SEMA3C: variants seen among roughly 807,000 people sequenced by gnomAD.
SEMA3C encodes the protein semaphorin-3C.
In SEMA3C, 47 loss-of-function variants were observed where a neutral mutation model predicts 89.4. The ratio of observed to expected loss-of-function variants is 0.53; its 90% confidence interval spans 0.42 to 0.67. The LOEUF is 0.67. Among genes scored for constraint, SEMA3C ranks in the 30% least tolerant of loss-of-function variants. SEMA3C has a pLI of 0.00. For synonymous variants in SEMA3C, 310 were observed against 320.2 expected, an observed-to-expected ratio of 0.97 and a Z score of 0.34; for missense variants, 839 against 929.1, an observed-to-expected ratio of 0.90 and a Z score of 1.26.
intron 15 of SEMA3C, among the ~76,000 whole-genome samples, chr7:80,756,878 C>A (rs1005885682): frequency 6.6e-6 from 1 of 152,150 alleles, no homozygotes; most frequent in African/African-American, 2.4e-5. Flanking sequence ...ACCTTCTCTG[C>A]CCTTTTTAAA....
At chr7:80,751,513 A>G (rs1787935151) in intron 15 of SEMA3C, among the ~76,000 whole-genome samples, 177 bp from the exon 16 acceptor site, 1 of 145,150 alleles carries the variant, frequency 6.9e-6, no homozygotes, top group Non-Finnish European at 1.5e-5. Flanking sequence ...TTTATCAATA[A>G]TGAGGGGGGG....
rs771146166 is a variant in SEMA3C, at chr7:80,818,396, C to T, written c.350G>A (p.Arg117His). Residue 117 changes from arginine (R) to histidine (H), a missense_variant, in exon 5 of 18, where the codon CGT (arginine) becomes CAT (histidine). Arg to His is a conservative substitution (Grantham distance 29). Transcript: ENST00000265361. Reference protein sequence around the residue: ...DPTHGCGNFVRVIQTFNRTHL... With the variant: ...DPTHGCGNFVHVIQTFNRTHL... The stretch of plus-strand genomic sequence containing the variant: ...TGTGCGATTGAAAGTCTGAATTACA[C>T]GGACAAAGTTCCCACAGCCGTGCTA... The T allele has an allele frequency of 5.0e-6, 8 of 1,612,846 alleles. No homozygotes were observed. Among genetic ancestry groups the T allele is most frequent in the East Asian group, 2.2e-5 (1 of 44,846 alleles).
chr7:80,758,568 G>A lies in SEMA3C; in HGVS notation c.1486-80C>T, dbSNP rs902385989. ...TCAGCAGGAACACATTATAATATAT[G>A]CCCACAAACCCTTGGATTCATTTTG... On this transcript the variant is annotated intron_variant, in intron 14 of 17. Coordinates refer to ENST00000265361, the MANE Select transcript of SEMA3C (RefSeq NM_006379.5). The A allele has an allele frequency of 2.2e-6, 3 of 1,337,400 alleles. No individual in the cohort carries two copies. In the East Asian group the frequency reaches 6.9e-5, roughly 31 times the overall value. The allele number at this position is 1,337,400 out of a possible 1,614,324, so 82.8% of individuals were successfully genotyped here.
At chr7:80,778,146 T>C (rs1788593896) in intron 12 of SEMA3C, among the ~76,000 whole-genome samples, 1 of 152,320 alleles carries the variant, frequency 6.6e-6, no homozygotes. Context: ...TCCTGTGATA[T>C]AGCTAAAGAA....
chr7:80,864,257 G>A (rs563964358), intron 2 of SEMA3C, among the ~76,000 whole-genome samples: 1 of 151,324 alleles, frequency 6.6e-6, no homozygotes, highest in Non-Finnish European at 1.5e-5. Context: ...GAGTGAGAGC[G>A]GGTGAGGGAT....
chr7:80,914,450 T>C (rs1481880118), intron 2 of SEMA3C, among the ~76,000 whole-genome samples: 1 of 145,080 alleles, frequency 6.9e-6, no homozygotes, highest in Non-Finnish European at 1.6e-5. Flanking sequence ...GGTTTAAAAT[T>C]TGTACATTTT....
At chr7:80,811,273 G>A (rs1789462926) in intron 5 of SEMA3C, among the ~76,000 whole-genome samples, 1 of 152,018 alleles carries the variant, frequency 6.6e-6, no homozygotes, top group African/African-American at 2.4e-5. Context: ...AAACACTGGG[G>A]ATATTGCAAA....
intron 2 of SEMA3C, among the ~76,000 whole-genome samples, chr7:80,872,923 GAAAAAAAA>G (rs758696880): frequency 2.5e-5 from 2 of 79,642 alleles, no homozygotes; most frequent in South Asian, 4.4e-4. Context: ...GAATGAGAGT[GAAAAAAAA>G]AAAAAAAAAA....
At chr7:80,870,927 G>C (rs1791042181) in intron 2 of SEMA3C, among the ~76,000 whole-genome samples, 1 of 152,158 alleles carries the variant, frequency 6.6e-6, no homozygotes, top group South Asian at 2.1e-4. Flanking sequence ...TATATGAAAG[G>C]ACTGCCTTAA....
intron 2 of SEMA3C, among the ~76,000 whole-genome samples, chr7:80,873,507 G>A (rs1791121819): frequency 6.6e-6 from 1 of 152,160 alleles, no homozygotes; most frequent in Non-Finnish European, 1.5e-5. Context: ...AAATCATCAG[G>A]CAATACTAGG....
chr7:80,775,060 T>C (rs1250442386), intron 12 of SEMA3C, among the ~76,000 whole-genome samples: 1 of 151,582 alleles, frequency 6.6e-6, no homozygotes, highest in African/African-American at 2.4e-5. Flanking sequence ...GGAATGGCAT[T>C]TTTTTAAATG....
chr7:80,746,128 C>T (rs1181696100), intron 17 of SEMA3C, among the ~76,000 whole-genome samples: 1 of 152,028 alleles, frequency 6.6e-6, no homozygotes, highest in Non-Finnish European at 1.5e-5. Flanking sequence ...CTCTAGAATA[C>T]TCTTTCATTG....
chr7:80,807,372 G>T (rs1252528945), intron 6 of SEMA3C, among the ~76,000 whole-genome samples: 1 of 152,130 alleles, frequency 6.6e-6, no homozygotes, highest in Non-Finnish European at 1.5e-5. Flanking sequence ...TATTAGTCAT[G>T]TCTCAAACAT....
chr7:80,826,539 T>C (rs1789876794), intron 4 of SEMA3C, among the ~76,000 whole-genome samples: 1 of 152,122 alleles, frequency 6.6e-6, no homozygotes, highest in South Asian at 2.1e-4. Context: ...TTGCACCAAT[T>C]ATGTCTTTGG....
intron 2 of SEMA3C, among the ~76,000 whole-genome samples, chr7:80,901,459 C>T (rs1791878404): frequency 6.6e-6 from 1 of 152,188 alleles, no homozygotes; most frequent in African/African-American, 2.4e-5. Flanking sequence ...TTTACACCTG[C>T]AACTATATCC....
At chr7:80,894,345 T>C (rs1024049933) in intron 2 of SEMA3C, among the ~76,000 whole-genome samples, 14 of 152,300 alleles carry the variant, frequency 9.2e-5, no homozygotes, top group Admixed American at 1.3e-4. Context: ...GAATTATTAA[T>C]AGTTCTTGAT....
chr7:80,876,025 C>G (rs76493761), intron 2 of SEMA3C, among the ~76,000 whole-genome samples: 1 of 151,858 alleles, frequency 6.6e-6, no homozygotes, highest in Non-Finnish European at 1.5e-5. Context: ...CTACTTAGCA[C>G]GGAGAAGGTA....
chr7:80,785,481 C>T (rs535128805), intron 12 of SEMA3C, among the ~76,000 whole-genome samples: 1 of 152,228 alleles, frequency 6.6e-6, no homozygotes, highest in South Asian at 2.1e-4. Context: ...CACTAGGGGA[C>T]CTGGAAACAC....
intron 2 of SEMA3C, among the ~76,000 whole-genome samples, chr7:80,878,079 T>C (rs796529782): frequency 3.4e-4 from 52 of 152,144 alleles, no homozygotes; most frequent in African/African-American, 1.2e-3. Context: ...TCAAGTCCCA[T>C]AGAATAAAAA....
Sources: gnomAD v4.1 joint callset for allele counts (sites outside exome capture counted in the v4.1 genomes callset) on GRCh38, gnomAD v4.1.1 for gene constraint, MANE v1.5 for transcripts, NCBI Gene and HGNC (gene_info 2026-07-23, HGNC 2026-07-21) for gene names.